ASTN1: variants seen among roughly 807,000 people sequenced by gnomAD.
ASTN1 encodes the protein astrotactin-1.
ASTN1 carries 41 observed loss-of-function variants against 140.7 expected under a neutral mutation model. The ratio of observed to expected loss-of-function variants is 0.29; its 90% confidence interval spans 0.23 to 0.38. ASTN1 has a LOEUF of 0.38. ASTN1 is among the 10% of genes least tolerant of loss of function. The pLI is 1.00. For missense variants in ASTN1, 1,479 were observed against 1,678.8 expected (o/e 0.88, Z 2.08); for synonymous variants, 640 against 652.2 (o/e 0.98, Z 0.29).
At chr1:177,122,765 G>C (rs1375103007) in intron 1 of ASTN1, among the ~76,000 whole-genome samples, 2 of 152,200 alleles carry the variant, frequency 1.3e-5, no homozygotes, top group Admixed American at 6.5e-5. Context: ...GAGGTGACAG[G>C]AATTATCCTC....
chr1:176,899,885 T>C (rs561956780), intron 16 of ASTN1, among the ~76,000 whole-genome samples: 96 of 152,234 alleles, frequency 6.3e-4, no homozygotes, highest in Admixed American at 8.5e-4. Flanking sequence ...CACAATGCAA[T>C]GGATTAATAA....
In ASTN1 at chr1:176,946,016, A is replaced by G; in HGVS notation, c.2159T>C (p.Met720Thr). 1.9e-6 allele frequency: 3 copies of G among 1,614,150 alleles called. No individual in the cohort carries two copies. The highest frequency in any genetic ancestry group is 2.5e-6 in the Non-Finnish European group (3 of 1,179,992). Reference sequence around the variant, plus strand: ...CATCTCCCCAAAGAGGGTCTGGTTCATGGGAAGCTCCCTGCTTTCCCCACA... The same window carrying G: ...CATCTCCCCAAAGAGGGTCTGGTTCGTGGGAAGCTCCCTGCTTTCCCCACA... ...SDCGESRELP[M>T]NQTLFGEMFF... Residue 720 changes from methionine to threonine, a missense_variant, in exon 13 of 23, where the codon ATG (methionine) becomes ACG (threonine). Around this residue, in one of 3 missense-constraint regions of ASTN1, gnomAD observed 746 missense variants for 800.9 expected, o/e 0.93. Coordinates refer to ENST00000361833, the MANE Select transcript of ASTN1 (RefSeq NM_004319.3).
chr1:177,060,637 A>G (rs1678035980), intron 2 of ASTN1, among the ~76,000 whole-genome samples: 1 of 152,136 alleles, frequency 6.6e-6, no homozygotes, highest in South Asian at 2.1e-4. Flanking sequence ...CAGCCTCCCA[A>G]GTAGCTGGGA....
chr1:176,991,407 C>CT lies in ASTN1; in HGVS notation c.1523+23383dup, dbSNP rs1388530184. Among the ~76,000 whole-genome samples, 5 of 119,158 alleles carry CT rather than the reference C, an allele frequency of 4.2e-5. No homozygotes were observed. The East Asian group carries it at 1.1e-3, about 27-fold the overall frequency. 78.2% of individuals were successfully genotyped at this position (119,158 alleles called of 152,430 possible). A position where few individuals can be genotyped will look rare whatever the true frequency, so the allele number is the denominator to read the frequency against. ...CAGCCTGGGCAACAAACGCTAAACTCTGTCTCAAAAAAAAAAAAAAAAAAA... is the reference window on the plus strand; with the variant it reads ...CAGCCTGGGCAACAAACGCTAAACTCTTGTCTCAAAAAAAAAAAAAAAAAAA... On this transcript the variant is annotated intron_variant, in intron 8 of 22. Coordinates refer to ENST00000361833, the MANE Select transcript of ASTN1 (RefSeq NM_004319.3).
intron 17 of ASTN1, among the ~76,000 whole-genome samples, chr1:176,889,125 A>ACTATGGATATTTACT (rs1476042521): frequency 6.6e-6 from 1 of 152,220 alleles, no homozygotes; most frequent in Non-Finnish European, 1.5e-5. Flanking sequence ...CTATTAAGTA[A>ACTATGGATATTTACT]AAGGACAGAA....
chr1:176,961,441 A>G (rs1672656345), intron 9 of ASTN1, among the ~76,000 whole-genome samples: 1 of 152,186 alleles, frequency 6.6e-6, no homozygotes, highest in African/African-American at 2.4e-5. Context: ...TAACCTTTGC[A>G]GAGAACTGCA....
At chr1:177,041,390 A>G (rs1676965262) in intron 2 of ASTN1, among the ~76,000 whole-genome samples, 1 of 152,228 alleles carries the variant, frequency 6.6e-6, no homozygotes, top group African/African-American at 2.4e-5. Flanking sequence ...TGTATTATGT[A>G]CAACAGATAG....
At chr1:177,013,456 A>G (rs143763418) in intron 8 of ASTN1, among the ~76,000 whole-genome samples, 2 of 152,142 alleles carry the variant, frequency 1.3e-5, no homozygotes, top group East Asian at 1.9e-4. Flanking sequence ...CTATCCCTTT[A>G]TCATAAATCA....
intron 21 of ASTN1, among the ~76,000 whole-genome samples, chr1:176,869,962 G>C (rs779459130): frequency 7.2e-5 from 11 of 152,084 alleles, no homozygotes; most frequent in Non-Finnish European, 1.3e-4. Context: ...TGGAGACCCA[G>C]AAATGGAATC....
intron 2 of ASTN1, among the ~76,000 whole-genome samples, chr1:177,053,620 G>A (rs1280462285): frequency 6.6e-6 from 1 of 152,092 alleles, no homozygotes; most frequent in African/African-American, 2.4e-5. Context: ...GAAGGAATGA[G>A]TCAATGATTT....
At chr1:177,114,653 T>C (rs1212292181) in intron 1 of ASTN1, among the ~76,000 whole-genome samples, 1 of 152,178 alleles carries the variant, frequency 6.6e-6, no homozygotes, top group East Asian at 1.9e-4. Context: ...TTTGTTTCTG[T>C]GTATGTGGTG....
intron 7 of ASTN1, among the ~76,000 whole-genome samples, chr1:177,019,598 A>G (rs1307366357): frequency 6.6e-6 from 1 of 152,196 alleles, no homozygotes; most frequent in Non-Finnish European, 1.5e-5. Context: ...TCAAATTGGA[A>G]AGCCTTTGGG....
chr1:176,984,549 T>C (rs1014650562), intron 8 of ASTN1, among the ~76,000 whole-genome samples: 3 of 152,128 alleles, frequency 2.0e-5, no homozygotes, highest in Admixed American at 6.6e-5. Flanking sequence ...TCAAAGGACT[T>C]AGTGGCTACA....
intron 16 of ASTN1, among the ~76,000 whole-genome samples, chr1:176,902,047 G>A (rs556233091): frequency 1.7e-4 from 26 of 152,290 alleles, no homozygotes; most frequent in African/African-American, 4.3e-4. Context: ...GGTCCCTCAA[G>A]AGCAGTATCT....
chr1:177,014,114 T>A lies in ASTN1; in HGVS notation c.1523+677A>T, dbSNP rs144630339. On this transcript the variant is annotated intron_variant, in intron 8 of 22. Coordinates refer to ENST00000361833, the MANE Select transcript of ASTN1 (RefSeq NM_004319.3). ...GCTTGCATAATGTGAATTTACTTAA[T>A]GCCACTGAATTGTATACTTAAAAAT... is the stretch of plus-strand genomic sequence containing the variant. Among the ~76,000 whole-genome samples, 925 of 151,676 alleles carry A rather than the reference T, an allele frequency of 6.1e-3. 9 individuals are homozygous for A. Among genetic ancestry groups the A allele is most frequent in the African/African-American group, 0.021 (862 of 41,354 alleles).
At chr1:177,108,409 G>A (rs1296010439) in intron 1 of ASTN1, among the ~76,000 whole-genome samples, 1 of 151,594 alleles carries the variant, frequency 6.6e-6, no homozygotes, top group African/African-American at 2.4e-5. Context: ...GGGGATGTGT[G>A]TATTTGACTA....
intron 8 of ASTN1, among the ~76,000 whole-genome samples, chr1:176,978,078 T>C (rs1673442861): frequency 6.6e-6 from 1 of 152,186 alleles, no homozygotes; most frequent in South Asian, 2.1e-4. Context: ...GCACTGAGTC[T>C]AGGCATTGAA....
intron 1 of ASTN1, among the ~76,000 whole-genome samples, chr1:177,081,630 T>A (rs1342307830): frequency 6.6e-6 from 1 of 152,094 alleles, no homozygotes; most frequent in East Asian, 1.9e-4. Flanking sequence ...TTGGCTAAGT[T>A]ACAGAGTCAT....
chr1:176,894,021 C>T (rs1461615609), intron 17 of ASTN1, among the ~76,000 whole-genome samples: 1 of 152,220 alleles, frequency 6.6e-6, no homozygotes, highest in African/African-American at 2.4e-5. Context: ...AAAGATTTGC[C>T]TGGATGTGGC....
Sources: allele counts gnomAD v4.1 joint callset (sites outside exome capture counted in the v4.1 genomes callset), GRCh38; gene constraint gnomAD v4.1.1; regional missense constraint gnomAD v4.1.1; transcripts MANE v1.5; gene names NCBI Gene and HGNC (gene_info 2026-07-23, HGNC 2026-07-21).